Variants in MARCHF1 observed in about 807,000 individuals in gnomAD.
MARCHF1 encodes membrane associated ring-CH-type finger 1.
A neutral mutation model predicts 54.2 loss-of-function variants in MARCHF1; 40 were observed. The observed-to-expected ratio is 0.74, with a 90% CI of 0.57 to 0.96. MARCHF1 has a LOEUF of 0.96. Ranked by LOEUF, MARCHF1 falls within the 40% of genes least tolerant of loss-of-function variation. The pLI, the probability that MARCHF1 is intolerant of heterozygous loss-of-function variation, is 0.00. For synonymous variants in MARCHF1, 236 were observed against 236.3 expected (o/e 1.00, Z 0.01); for missense variants, 586 against 656.5 (o/e 0.89, Z 1.17).
chr4:164,320,403 TC>T (rs896169019), intron 1 of MARCHF1, among the ~76,000 whole-genome samples: 1 of 152,072 alleles, frequency 6.6e-6, no homozygotes, highest in Non-Finnish European at 1.5e-5. Flanking sequence ...GAATTACTGC[TC>T]CTCAAATGAT....
At chr4:164,181,788 T>C (rs1422120352) in intron 1 of MARCHF1, among the ~76,000 whole-genome samples, 3 of 152,228 alleles carry the variant, frequency 2.0e-5, no homozygotes, top group Non-Finnish European at 2.9e-5. Flanking sequence ...TCTTTTTATA[T>C]TGTGGCAACA....
chr4:164,311,873 T>C (rs1159278849), intron 1 of MARCHF1, among the ~76,000 whole-genome samples: 2 of 152,206 alleles, frequency 1.3e-5, no homozygotes, highest in African/African-American at 4.8e-5. Flanking sequence ...CTTCCTGGGA[T>C]GGAGGAAAGA....
intron 2 of MARCHF1, among the ~76,000 whole-genome samples, chr4:164,092,954 A>G (rs1755335650): frequency 6.6e-6 from 1 of 152,174 alleles, no homozygotes; most frequent in East Asian, 1.9e-4. Flanking sequence ...AGAAGACCAC[A>G]GAATTTAAAA....
chr4:163,949,229 C>A (rs1423683226), intron 3 of MARCHF1, among the ~76,000 whole-genome samples: 1 of 152,232 alleles, frequency 6.6e-6, no homozygotes, highest in East Asian at 1.9e-4. Context: ...GTGGGGCAGG[C>A]AGCTCCAAGT....
chr4:164,188,474 G>A (rs750329924), intron 1 of MARCHF1: 23 of 660,614 alleles, frequency 3.5e-5, no homozygotes, highest in East Asian at 7.9e-5. Context: ...GGTGGTCTGC[G>A]TCGACCTGGG....
chr4:163,971,313 T>C (rs1752543230), intron 3 of MARCHF1, among the ~76,000 whole-genome samples: 1 of 152,188 alleles, frequency 6.6e-6, no homozygotes, highest in African/African-American at 2.4e-5. Flanking sequence ...GAGAAAGGTA[T>C]TAATAGGTAA....
intron 3 of MARCHF1, among the ~76,000 whole-genome samples, chr4:163,944,546 G>A (rs1189405233): frequency 6.6e-6 from 1 of 152,118 alleles, no homozygotes. Context: ...GGCCAAGGCT[G>A]TATTGGATCT....
At chr4:163,674,243 A>G (rs184036062) in intron 5 of MARCHF1, among the ~76,000 whole-genome samples, 147 of 152,344 alleles carry the variant, frequency 9.6e-4, no homozygotes, top group African/African-American at 3.5e-3. Flanking sequence ...TATGTTATTC[A>G]GGTGATGGAT....
At position 164,247,643 on chromosome 4, in the gene MARCHF1, T is replaced by TAA. The variant is rs1351738709; in HGVS notation, c.-322-135983_-322-135982dup. On this transcript the variant is annotated intron_variant, in intron 1 of 9. Transcript: ENST00000514618. ...AAAAAGTTAAAAGAAAAAAAGAAAG[T>TAA]AAAAAAAAAAAAAATGTAATCCCAG... is the stretch of plus-strand genomic sequence containing the variant. 6.6e-3 allele frequency among the ~76,000 whole-genome samples: 745 copies of TAA among 113,350 alleles called. 6 individuals are homozygous for TAA. The highest frequency in any genetic ancestry group is 0.017 in the South Asian group (59 of 3,510). The allele number at this position is 113,350 out of a possible 152,430, so 74.4% of individuals were successfully genotyped here. A position where few individuals can be genotyped will look rare whatever the true frequency, so the allele number is the denominator to read the frequency against.
chr4:163,825,578 C>T lies in MARCHF1; in HGVS notation c.111+28443G>A, dbSNP rs573060214. 4.6e-5 allele frequency among the ~76,000 whole-genome samples: 7 copies of T among 152,080 alleles called. No individual in the cohort carries two copies. In the South Asian group the frequency reaches 1.5e-3, roughly 32 times the overall value. On this transcript the variant is annotated intron_variant, in intron 4 of 9. Coordinates refer to ENST00000514618, the MANE Select transcript of MARCHF1 (RefSeq NM_001394959.1). ...CCCACCAGCAGTGTATAAGCATTCC[C>T]TTTATTCCACAATCTTGCCAGCATC... is the stretch of plus-strand genomic sequence containing the variant.
At chr4:164,277,368 A>G (rs565907443) in intron 1 of MARCHF1, among the ~76,000 whole-genome samples, 1 of 152,250 alleles carries the variant, frequency 6.6e-6, no homozygotes, top group Admixed American at 6.5e-5. Flanking sequence ...CATTGGCTTC[A>G]CATTGCACTT....
intron 4 of MARCHF1, among the ~76,000 whole-genome samples, chr4:163,706,287 A>C (rs1744947607): frequency 6.6e-6 from 1 of 152,062 alleles, no homozygotes; most frequent in Admixed American, 6.6e-5. Context: ...AAGATGGTAG[A>C]GCTGAATTCT....
chr4:164,243,325 A>C (rs1336026675), intron 1 of MARCHF1, among the ~76,000 whole-genome samples: 1 of 143,862 alleles, frequency 7.0e-6, no homozygotes. Context: ...GCCAATATTC[A>C]ACATTCTTAA....
chr4:163,707,492 G>A (rs2111246783), intron 4 of MARCHF1, among the ~76,000 whole-genome samples: 1 of 152,100 alleles, frequency 6.6e-6, no homozygotes, highest in East Asian at 1.9e-4. Flanking sequence ...TCAGAAAAAT[G>A]TAAATTAAAG....
At chr4:163,753,858 T>C (rs1746592545) in intron 4 of MARCHF1, among the ~76,000 whole-genome samples, 1 of 152,156 alleles carries the variant, frequency 6.6e-6, no homozygotes, top group South Asian at 2.1e-4. Context: ...ACTGGCATTA[T>C]TGTGTCAATT....
At chr4:163,641,199 G>C (rs1742542381) in intron 5 of MARCHF1, among the ~76,000 whole-genome samples, 1 of 152,014 alleles carries the variant, frequency 6.6e-6, no homozygotes, top group African/African-American at 2.4e-5. Context: ...AGAAGCTAAA[G>C]AACATTTAAT....
intron 1 of MARCHF1, among the ~76,000 whole-genome samples, chr4:164,258,107 A>T (rs1484593212): frequency 6.6e-6 from 1 of 152,184 alleles, no homozygotes; most frequent in Non-Finnish European, 1.5e-5. Context: ...TTGCAGGGAC[A>T]TGGATGGAGC....
intron 4 of MARCHF1, among the ~76,000 whole-genome samples, chr4:163,785,736 GA>G (rs372397759): frequency 1.4e-3 from 216 of 150,626 alleles, no homozygotes; most frequent in African/African-American, 5.0e-3. Context: ...AATGACACAG[GA>G]AAAAAAAAGT....
chr4:164,057,612 T>C (rs1054787212), intron 2 of MARCHF1, among the ~76,000 whole-genome samples: 4 of 152,120 alleles, frequency 2.6e-5, no homozygotes, highest in Admixed American at 1.3e-4. Context: ...AACTCAGACA[T>C]GAAGCATGAA....
Sources: allele counts gnomAD v4.1 joint callset (sites outside exome capture counted in the v4.1 genomes callset), GRCh38; gene constraint gnomAD v4.1.1; transcripts MANE v1.5; gene names NCBI Gene and HGNC (gene_info 2026-07-23, HGNC 2026-07-21).